The following PCDHA6 variants were observed in gnomAD, a reference collection of about 807,000 sequenced individuals.
The protein encoded by PCDHA6 is protocadherin alpha-6.
Under a neutral mutation model 60.3 loss-of-function variants are expected in PCDHA6, and 55 were observed. That is an observed-to-expected ratio of 0.91 (90% CI 0.73 to 1.14). The LOEUF (loss-of-function observed/expected upper bound fraction) is 1.14, where lower values mean the gene tolerates loss of function less well. PCDHA6 is among the 50% of genes most tolerant of loss of function. The probability of loss-of-function intolerance (pLI) is 0.00; values close to 1 mark genes in which losing one functional copy is unlikely to be tolerated. For missense variants in PCDHA6, 1,327 were observed against 1,256.5 expected (o/e 1.06, Z -0.85); for synonymous variants, 652 against 557.9 (o/e 1.17, Z -2.38).
intron 1 of PCDHA6, among the ~76,000 whole-genome samples, chr5:140,938,013 A>G (rs1310661606): frequency 6.6e-6 from 1 of 152,220 alleles, no homozygotes; most frequent in Non-Finnish European, 1.5e-5. Flanking sequence ...TTCTTGCTAA[A>G]TAGTAAAATC....
intron 1 of PCDHA6, among the ~76,000 whole-genome samples, chr5:140,901,300 C>T (rs189786790): frequency 3.3e-5 from 5 of 152,176 alleles, no homozygotes; most frequent in African/African-American, 9.6e-5. Flanking sequence ...ACTGATGTTC[C>T]GGAGAGTTTC....
intron 1 of PCDHA6, chr5:140,876,016 A>G (rs1554168175): frequency 6.2e-7 from 1 of 1,613,818 alleles, no homozygotes; most frequent in South Asian, 1.1e-5. Flanking sequence ...TGAGCTTAAA[A>G]TAAAAACAAA....
At chr5:141,002,134 C>T (rs1477082485) in intron 3 of PCDHA6, among the ~76,000 whole-genome samples, 1 of 152,216 alleles carries the variant, frequency 6.6e-6, no homozygotes, top group African/African-American at 2.4e-5. Flanking sequence ...TAGCCTTTGC[C>T]GGCTGCACTG....
intron 1 of PCDHA6, chr5:140,850,881 A>G (rs2041865232): frequency 1.3e-6 from 2 of 1,586,312 alleles, no homozygotes; most frequent in African/African-American, 1.4e-5. Context: ...CTCAGATTCA[A>G]CTGGGAAGGT....
chr5:140,870,766 C>T, intron 1 of PCDHA6: 1 of 1,613,562 alleles, frequency 6.2e-7, no homozygotes, highest in Non-Finnish European at 8.5e-7. Context: ...GGTGTTCGTG[C>T]TGGACGAGAA....
At chr5:140,898,511 G>A (rs373963449) in intron 1 of PCDHA6, among the ~76,000 whole-genome samples, 16 of 151,912 alleles carry the variant, frequency 1.1e-4, no homozygotes, top group South Asian at 4.2e-4. Context: ...GATATGCGGC[G>A]TTATTTCTGA....
chr5:141,006,465 G>T (rs1338372692), intron 3 of PCDHA6, among the ~76,000 whole-genome samples: 3 of 151,948 alleles, frequency 2.0e-5, no homozygotes, highest in Non-Finnish European at 4.4e-5. Context: ...TGCCTGTCTC[G>T]GCCTCCCAAA....
At position 140,877,018 on chromosome 5, in the gene PCDHA6, A is replaced by C; in HGVS notation, c.2394+46533A>C. On this transcript the variant is annotated intron_variant, in intron 1 of 3. Transcript: ENST00000529310. ...CGTGTCGGTGCACGCGGAGAGCGGC[A>C]AGGTGTACGCGCTGCAGCCGCTAGA... 1 of 1,612,420 alleles carries C rather than the reference A, an allele frequency of 6.2e-7. No homozygotes were observed. Among genetic ancestry groups the C allele is most frequent in the Non-Finnish European group, 8.5e-7 (1 of 1,179,802 alleles).
intron 1 of PCDHA6, among the ~76,000 whole-genome samples, chr5:140,855,586 G>A (rs2043525650): frequency 1.3e-5 from 2 of 149,676 alleles, no homozygotes; most frequent in Admixed American, 1.3e-4. Context: ...TAAAATATTA[G>A]TATACTCAGT....
chr5:140,842,192 G>T (rs2150331449), intron 1 of PCDHA6: 27 of 1,613,606 alleles, frequency 1.7e-5, no homozygotes, highest in Non-Finnish European at 2.2e-5. Flanking sequence ...TATGGTTATT[G>T]ACCACTTTAG....
At chr5:140,835,658 T>G (rs2150240988) in intron 1 of PCDHA6, 43 of 1,613,884 alleles carry the variant, frequency 2.7e-5, no homozygotes, top group African/African-American at 2.3e-4. Context: ...AGCTGGTGGT[T>G]ACCGCGCGGG....
rs1769955190 is a variant in PCDHA6 at position 140,828,794 on chromosome 5, G to A, written c.703G>A (p.Val235Met). Residue 235 changes from valine (V) to methionine (M), a missense_variant, in exon 1 of 4, where the codon GTG becomes ATG. Transcript: ENST00000529310. ...TCAGCTGCTGGTCACAGTGCTGGAT[G>A]TGAATGATAATGCTCCCACTTTCGA... is the stretch of plus-strand genomic sequence containing the variant. Reference protein sequence around the residue: ...TVQLLVTVLDVNDNAPTFEQS... With the variant: ...TVQLLVTVLDMNDNAPTFEQS... 1 of 1,614,124 alleles carries A rather than the reference G, an allele frequency of 6.2e-7. No individual in the cohort carries two copies. Among genetic ancestry groups the A allele is most frequent in the African/African-American group, 1.3e-5 (1 of 74,946 alleles).
rs558490430 is a variant in PCDHA6, at chr5:140,909,702, G to A, written c.2395-69247G>A. ...AGCCAATGTGGGGGTTCTGCTAGCT[G>A]CTAAGTATACCTATGCCAATTATGC... is the stretch of plus-strand genomic sequence containing the variant. On this transcript the variant is annotated intron_variant, in intron 1 of 3. Transcript: ENST00000529310. Among the ~76,000 whole-genome samples the A allele has an allele frequency of 3.3e-5, 5 of 152,302 alleles. No individual in the cohort carries two copies. In the East Asian group the frequency reaches 9.6e-4, roughly 29 times the overall value.
intron 1 of PCDHA6, chr5:140,858,217 G>A: frequency 1.3e-6 from 2 of 1,595,954 alleles, no homozygotes; most frequent in Non-Finnish European, 1.7e-6. Flanking sequence ...GGTGCTCGGC[G>A]GCGCCCACCG....
chr5:140,856,505 C>T (rs2150359235), intron 1 of PCDHA6: 1 of 1,598,456 alleles, frequency 6.3e-7, no homozygotes, highest in East Asian at 2.2e-5. Context: ...TCGATTTCCA[C>T]TAGAAGGCGC....
intron 1 of PCDHA6, among the ~76,000 whole-genome samples, chr5:140,908,419 A>G (rs782714084): frequency 6.6e-6 from 1 of 152,196 alleles, no homozygotes; most frequent in Non-Finnish European, 1.5e-5. Context: ...TGATGATGGA[A>G]TGCTGCTGTG....
intron 1 of PCDHA6, chr5:140,969,531 A>G: frequency 7.4e-7 from 1 of 1,356,026 alleles, no homozygotes; most frequent in South Asian, 1.6e-5. Context: ...TTTATTTTTC[A>G]TTTTCAGAGG....
chr5:140,921,631 T>A (rs1435281144), intron 1 of PCDHA6, among the ~76,000 whole-genome samples: 1 of 152,206 alleles, frequency 6.6e-6, no homozygotes, highest in East Asian at 1.9e-4. Flanking sequence ...ATCATCATTA[T>A]GGTAGCTATT....
intron 1 of PCDHA6, chr5:140,884,248 G>A: frequency 1.2e-6 from 2 of 1,613,458 alleles, no homozygotes; most frequent in Non-Finnish European, 1.7e-6. Flanking sequence ...CCGCGCTGAC[G>A]GCCACGGCAA....
Sources: allele counts gnomAD v4.1 joint callset (sites outside exome capture counted in the v4.1 genomes callset), GRCh38; gene constraint gnomAD v4.1.1; transcripts MANE v1.5; gene names NCBI Gene and HGNC (gene_info 2026-07-23, HGNC 2026-07-21).